COL5A2: variants seen among roughly 807,000 people sequenced by gnomAD.
COL5A2 encodes the protein collagen alpha-2(V) chain.
Under a neutral mutation model 208.2 loss-of-function variants are expected in COL5A2, and 23 were observed. The observed-to-expected ratio is 0.11, with a 90% confidence interval of 0.08 to 0.16. The LOEUF (loss-of-function observed/expected upper bound fraction) is 0.16, where lower values mean the gene tolerates loss of function less well. Among genes scored for constraint, COL5A2 ranks in the 10% least tolerant of loss-of-function variants. The probability of loss-of-function intolerance (pLI) is 1.00; values close to 1 mark genes in which losing one functional copy is unlikely to be tolerated. For synonymous variants in COL5A2, 625 were observed against 628.5 expected (o/e 0.99, Z 0.08); for missense variants, 1,590 against 1,956.4 (o/e 0.81, Z 3.53).
chr2:189,052,728 C>CAG, intron 40 of COL5A2, 21 bp downstream of exon 40: 1 of 1,612,832 alleles, frequency 6.2e-7, no homozygotes, highest in Non-Finnish European at 8.5e-7. Context: ...GCATACTTTG[C>CAG]AGAGCATCAA....
the COL5A2 span, among the ~76,000 whole-genome samples, chr2:189,378,423 T>G: frequency 6.6e-6 from 1 of 152,066 alleles, no homozygotes; most frequent in African/African-American, 2.4e-5. Context: ...TAATTCTCAC[T>G]GTTTAAAAAG....
intron 1 of COL5A2, among the ~76,000 whole-genome samples, chr2:189,168,489 C>T (rs1409060564): frequency 1.3e-5 from 2 of 151,780 alleles, no homozygotes; most frequent in African/African-American, 4.8e-5. Flanking sequence ...ACCATAGTGC[C>T]CTGAATTAAA....
At chr2:189,288,779 A>G in the COL5A2 span, among the ~76,000 whole-genome samples, 29 of 152,336 alleles carry the variant, frequency 1.9e-4, no homozygotes, top group Admixed American at 1.9e-3. Flanking sequence ...ATTACAGGCC[A>G]GTATCCCTGT....
rs558993868 is a variant in COL5A2 at position 189,116,941 on chromosome 2, T to C, written c.98-6492A>G. On this transcript the variant is annotated intron_variant, in intron 1 of 53. Transcript: ENST00000374866. ...TCATTTCAATGCATTTCAGTGAGCA[T>C]ATGAATTTAAAAAATTTGATAAACT... 2.0e-5 allele frequency among the ~76,000 whole-genome samples: 3 copies of C among 152,308 alleles called. No homozygotes were observed. In the South Asian group the frequency reaches 6.2e-4, roughly 32 times the overall value.
At chr2:189,212,892 T>C (rs569110478) in intron 1 of COL5A2, among the ~76,000 whole-genome samples, 3 of 150,448 alleles carry the variant, frequency 2.0e-5, no homozygotes, top group East Asian at 2.0e-4. Flanking sequence ...TATACACACA[T>C]ATATATATTT....
At chr2:189,260,011 G>A in the COL5A2 span, among the ~76,000 whole-genome samples, 35 of 152,110 alleles carry the variant, frequency 2.3e-4, no homozygotes, top group Non-Finnish European at 4.1e-4. Flanking sequence ...TGGATACAAC[G>A]ATATATGGAA....
the COL5A2 span, among the ~76,000 whole-genome samples, chr2:189,370,744 T>G: frequency 3.3e-5 from 5 of 152,196 alleles, no homozygotes; most frequent in Non-Finnish European, 5.9e-5. Context: ...TTTTATTTCC[T>G]TTATAGGATT....
chr2:189,420,864 G>A, the COL5A2 span, among the ~76,000 whole-genome samples: 2 of 151,912 alleles, frequency 1.3e-5, no homozygotes, highest in Admixed American at 6.6e-5. Context: ...CATCAATTAA[G>A]GACATTTCTG....
chr2:189,384,224 T>C, the COL5A2 span, among the ~76,000 whole-genome samples: 1 of 152,262 alleles, frequency 6.6e-6, no homozygotes, highest in Admixed American at 6.5e-5. Context: ...ACATGAGAGT[T>C]CAGATACCTC....
chr2:189,400,764 T>A, the COL5A2 span, among the ~76,000 whole-genome samples: 1 of 152,198 alleles, frequency 6.6e-6, no homozygotes. Context: ...TTTGCAAATG[T>A]TCTGAGGAAC....
rs201818936 is a variant in COL5A2 at position 189,081,166 on chromosome 2, C to CA, written c.853-124dup. 5.0e-3 allele frequency: 3,649 copies of CA among 734,478 alleles called. 17 individuals are homozygous for CA. The highest frequency in any genetic ancestry group is 7.3e-3 in the Non-Finnish European group (3,076 of 419,482). The allele number at this position is 734,478 out of a possible 1,614,324, so 45.5% of individuals were successfully genotyped here. ...TTTTCCAGCAACATATTAAGAAGAA[C>CA]AAAAAAAAGCAGTATACTTTTATCT... On this transcript the variant is annotated intron_variant, in intron 12 of 53. Transcript: ENST00000374866.
chr2:189,075,508 A>G (rs1686385341), intron 16 of COL5A2, 71 bp from the exon 17 acceptor site: 2 of 1,285,610 alleles, frequency 1.6e-6, no homozygotes, highest in African/African-American at 1.5e-5. Context: ...TATTTGCCTT[A>G]TAAAAAATTT....
chr2:189,417,750 T>C, the COL5A2 span, among the ~76,000 whole-genome samples: 2 of 152,044 alleles, frequency 1.3e-5, no homozygotes, highest in African/African-American at 2.4e-5. Context: ...GTTCCATCCA[T>C]GTTGCTGCAA....
At chr2:189,057,124 T>C (rs966319585) in intron 34 of COL5A2, 98 bp from the exon 35 acceptor site, 3 of 1,367,876 alleles carry the variant, frequency 2.2e-6, no homozygotes, top group East Asian at 4.6e-5. Flanking sequence ...GTCATTTTCC[T>C]AGTCGTATCC....
At position 189,111,229 on chromosome 2, in the gene COL5A2, T is replaced by C. The variant is rs540186874; in HGVS notation, c.98-780A>G. Among the ~76,000 whole-genome samples the C allele has an allele frequency of 3.1e-3, 473 of 151,978 alleles. 3 individuals carry two copies. The highest frequency in any genetic ancestry group is 0.011 in the African/African-American group (440 of 41,320). ...AAGTTTGGGAAAATACACACACATA[T>C]ATATGTGTGTGTGTGTGTACACATA... On this transcript the variant is annotated intron_variant, in intron 1 of 53. Transcript: ENST00000374866.
the COL5A2 span, among the ~76,000 whole-genome samples, chr2:189,396,598 C>T: frequency 2.0e-5 from 3 of 150,638 alleles, no homozygotes; most frequent in South Asian, 2.1e-4. Flanking sequence ...GGCGTGAACC[C>T]GGGAGGCGGA....
At chr2:189,086,092 T>G (rs1227645415) in intron 9 of COL5A2, among the ~76,000 whole-genome samples, 3 of 152,202 alleles carry the variant, frequency 2.0e-5, no homozygotes, top group Non-Finnish European at 4.4e-5. Flanking sequence ...ATCACCATCA[T>G]CAACCACATT....
chr2:189,085,070 T>A, intron 11 of COL5A2, 90 bp downstream of exon 11: 1 of 1,028,422 alleles, frequency 9.7e-7, no homozygotes, highest in Non-Finnish European at 1.5e-6. Context: ...TGGGGAAATG[T>A]AATGGAAATT....
chr2:189,354,193 T>C, the COL5A2 span, among the ~76,000 whole-genome samples: 3 of 152,290 alleles, frequency 2.0e-5, no homozygotes, highest in Admixed American at 2.0e-4. Context: ...AGTATTTTAT[T>C]GAGGATTTTC....
Sources: allele counts gnomAD v4.1 joint callset (sites outside exome capture counted in the v4.1 genomes callset), GRCh38; gene constraint gnomAD v4.1.1; transcripts MANE v1.5; gene names NCBI Gene and HGNC (gene_info 2026-07-23, HGNC 2026-07-21).